NAALADL2: variants seen among roughly 807,000 people sequenced by gnomAD.
NAALADL2 encodes the protein inactive N-acetylated-alpha-linked acidic dipeptidase-like protein 2.
In NAALADL2, 76 loss-of-function variants were observed where a neutral mutation model predicts 87.2. The observed-to-expected ratio is 0.87, with a 90% CI of 0.72 to 1.05. NAALADL2 has a LOEUF of 1.05. NAALADL2 is among the 50% of genes least tolerant of loss of function. The probability of loss-of-function intolerance (pLI) is 0.00; values close to 1 mark genes in which losing one functional copy is unlikely to be tolerated. For synonymous variants in NAALADL2, 354 were observed against 331.0 expected (o/e 1.07, Z -0.75); for missense variants, 1,089 against 945.8 (o/e 1.15, Z -1.99).
intron 1 of NAALADL2, among the ~76,000 whole-genome samples, chr3:174,881,121 C>T (rs1001902323): frequency 2.0e-5 from 3 of 152,066 alleles, no homozygotes; most frequent in African/African-American, 4.8e-5. Context: ...TGTAAAGACC[C>T]TGTTTTCAAA....
chr3:175,685,600 G>A (rs1736172367), intron 11 of NAALADL2, among the ~76,000 whole-genome samples: 1 of 151,992 alleles, frequency 6.6e-6, no homozygotes, highest in Non-Finnish European at 1.5e-5. Context: ...CCCAAGATCT[G>A]CAGGGTGAGT....
intron 5 of NAALADL2, among the ~76,000 whole-genome samples, chr3:175,370,129 A>G (rs1384083132): frequency 1.3e-5 from 2 of 152,204 alleles, no homozygotes; most frequent in East Asian, 1.9e-4. Flanking sequence ...ATATCCAGTC[A>G]TAGTTCATCA....
intron 11 of NAALADL2, among the ~76,000 whole-genome samples, chr3:175,689,319 CAT>C (rs1736729877): frequency 6.6e-6 from 1 of 151,732 alleles, no homozygotes; most frequent in African/African-American, 2.4e-5. Context: ...AACTGAGAAA[CAT>C]ATAAAATGTG....
chr3:174,749,602 C>A (rs1734623466), intron 3 of NAALADL2, among the ~76,000 whole-genome samples: 1 of 151,964 alleles, frequency 6.6e-6, no homozygotes, highest in Non-Finnish European at 1.5e-5. Flanking sequence ...CTTGGGCTGT[C>A]ATATGGGTTT....
At chr3:174,654,363 A>C (rs931850429) in intron 2 of NAALADL2, among the ~76,000 whole-genome samples, 1 of 152,166 alleles carries the variant, frequency 6.6e-6, no homozygotes, top group African/African-American at 2.4e-5. Flanking sequence ...GATTAATTAG[A>C]TATCATAATA....
At chr3:175,456,552 A>G (rs907274180) in intron 6 of NAALADL2, among the ~76,000 whole-genome samples, 1 of 151,924 alleles carries the variant, frequency 6.6e-6, no homozygotes, top group Non-Finnish European at 1.5e-5. Flanking sequence ...TCAACGGTGA[A>G]TTTTTTTTAA....
chr3:175,667,743 G>GTTTTT (rs58514374), intron 11 of NAALADL2, among the ~76,000 whole-genome samples: 1,260 of 119,994 alleles, frequency 0.011, 25 homozygotes, highest in African/African-American at 0.035. Flanking sequence ...GTTTTTTGCT[G>GTTTTT]TTTTTTTTTT....
intron 10 of NAALADL2, among the ~76,000 whole-genome samples, chr3:175,579,888 C>G (rs1719505631): frequency 1.3e-5 from 2 of 152,098 alleles, no homozygotes; most frequent in Non-Finnish European, 2.9e-5. Context: ...CTTAGTATAT[C>G]AGAAGATCAA....
Position 175,299,464 on chromosome 3 carries a change from T to C in NAALADL2, c.940-24711T>C, listed in dbSNP as rs1030494541. Among the ~76,000 whole-genome samples the C allele has an allele frequency of 1.8e-4, 27 of 152,148 alleles. 1 individual carries two copies. Among genetic ancestry groups the C allele is most frequent in the African/African-American group, 6.5e-4 (27 of 41,440 alleles). ...TTTCATTTGTTTGTGTCCTCTCTTATTTCCTAGAGCAGTGGTTTGTAGTTC... is the reference window on the plus strand; with the variant it reads ...TTTCATTTGTTTGTGTCCTCTCTTACTTCCTAGAGCAGTGGTTTGTAGTTC... On this transcript the variant is annotated intron_variant, in intron 4 of 13. Transcript: ENST00000454872.
intron 5 of NAALADL2, among the ~76,000 whole-genome samples, chr3:175,389,179 T>A (rs1162147200): frequency 6.6e-6 from 1 of 152,140 alleles, no homozygotes; most frequent in Non-Finnish European, 1.5e-5. Flanking sequence ...TTACTAAAAT[T>A]AAAGACAGTG....
intron 3 of NAALADL2, among the ~76,000 whole-genome samples, chr3:174,768,168 G>C (rs370492653): frequency 6.6e-6 from 1 of 152,112 alleles, no homozygotes; most frequent in Non-Finnish European, 1.5e-5. Flanking sequence ...TAGTAATTTC[G>C]TTTTGCTTTC....
chr3:175,209,901 A>G (rs1170526821), intron 2 of NAALADL2, among the ~76,000 whole-genome samples: 1 of 151,892 alleles, frequency 6.6e-6, no homozygotes, highest in Non-Finnish European at 1.5e-5. Context: ...AAATAAATAA[A>G]TAAAGTCTAC....
chr3:175,796,409 T>G (rs1576859326), intron 13 of NAALADL2, among the ~76,000 whole-genome samples: 1 of 152,188 alleles, frequency 6.6e-6, no homozygotes, highest in South Asian at 2.1e-4. Context: ...GCCTCAGTTG[T>G]CTGCAGAGTG....
intron 1 of NAALADL2, among the ~76,000 whole-genome samples, chr3:174,460,550 G>A (rs1208154512): frequency 6.6e-6 from 1 of 151,816 alleles, no homozygotes; most frequent in Non-Finnish European, 1.5e-5. Context: ...TTACTACCTA[G>A]AGCAGCAATG....
At chr3:175,503,829 G>C (rs1729895791) in intron 9 of NAALADL2, among the ~76,000 whole-genome samples, 1 of 152,142 alleles carries the variant, frequency 6.6e-6, no homozygotes, top group South Asian at 2.1e-4. Flanking sequence ...CTGGATATGA[G>C]ACCTTTGTTG....
intron 2 of NAALADL2, among the ~76,000 whole-genome samples, chr3:174,658,169 A>G (rs1219114227): frequency 6.6e-6 from 1 of 152,174 alleles, no homozygotes; most frequent in African/African-American, 2.4e-5. Context: ...CGGTAAGAGC[A>G]TGTTTAATTT....
Position 175,548,618 on chromosome 3 carries a change from T to G in NAALADL2, c.1654-27423T>G, listed in dbSNP as rs551564127. 5.6e-4 allele frequency among the ~76,000 whole-genome samples: 85 copies of G among 152,050 alleles called. 1 individual carries two copies. The highest frequency in any genetic ancestry group is 1.0e-3 in the Non-Finnish European group (68 of 67,932). ...ATAGTTGAGTGACATGGTAAATTGT[T>G]GTTTTATGTACTCCTAAGCCTTGCT... is the stretch of plus-strand genomic sequence containing the variant. On this transcript the variant is annotated intron_variant, in intron 9 of 13. Transcript: ENST00000454872.
chr3:174,944,736 C>G (rs1364703477), intron 1 of NAALADL2, among the ~76,000 whole-genome samples: 3 of 152,110 alleles, frequency 2.0e-5, no homozygotes, highest in Admixed American at 2.0e-4. Context: ...GACTGAAGAC[C>G]CTGGTGGAGT....
At chr3:174,842,601 T>G (rs1234660139) in intron 3 of NAALADL2, among the ~76,000 whole-genome samples, 1 of 152,146 alleles carries the variant, frequency 6.6e-6, no homozygotes, top group Non-Finnish European at 1.5e-5. Flanking sequence ...TATTTAATGA[T>G]TTTGTTACAT....
Sources: allele counts gnomAD v4.1 joint callset (sites outside exome capture counted in the v4.1 genomes callset), GRCh38; gene constraint gnomAD v4.1.1; transcripts MANE v1.5; gene names NCBI Gene and HGNC (gene_info 2026-07-23, HGNC 2026-07-21).